The following NFIA variants were observed in gnomAD, a reference collection of about 807,000 sequenced individuals.
NFIA encodes nuclear factor 1 A-type.
In NFIA, 8 loss-of-function variants were observed where a neutral mutation model predicts 62.8. That is an observed-to-expected ratio of 0.13 (90% confidence interval 0.07 to 0.23). NFIA has a LOEUF of 0.23. NFIA is among the 10% of genes least tolerant of loss of function. NFIA has a pLI of 1.00. For synonymous variants in NFIA, 235 were observed against 238.1 expected, an observed-to-expected ratio of 0.99 and a Z score of 0.12; for missense variants, 410 against 642.1, an observed-to-expected ratio of 0.64 and a Z score of 3.91.
chr1:61,158,004 G>A (rs962208441), intron 2 of NFIA, among the ~76,000 whole-genome samples: 3 of 152,142 alleles, frequency 2.0e-5, no homozygotes, highest in Non-Finnish European at 4.4e-5. Flanking sequence ...AGGTTTCAGA[G>A]GGATAAACCA....
chr1:61,199,812 C>T (rs111254831), intron 2 of NFIA, among the ~76,000 whole-genome samples: 3 of 150,960 alleles, frequency 2.0e-5, no homozygotes, highest in African/African-American at 7.3e-5. Context: ...CTGGGCAACA[C>T]GGTGAAATCC....
At chr1:61,311,316 G>A (rs570031757) in intron 3 of NFIA, among the ~76,000 whole-genome samples, 2 of 152,088 alleles carry the variant, frequency 1.3e-5, no homozygotes, top group African/African-American at 2.4e-5. Context: ...GCTTGAACCC[G>A]GGAGGTGGAG....
chr1:61,245,227 T>C (rs1361004907), intron 2 of NFIA, among the ~76,000 whole-genome samples: 1 of 152,184 alleles, frequency 6.6e-6, no homozygotes, highest in African/African-American at 2.4e-5. Context: ...TCTTGTAGAT[T>C]ATGTATGCAG....
intron 10 of NFIA, among the ~76,000 whole-genome samples, chr1:61,429,389 T>G (rs980841418): frequency 6.6e-6 from 1 of 152,178 alleles, no homozygotes; most frequent in Non-Finnish European, 1.5e-5. Context: ...TTGCACCCAG[T>G]TCTGTCTGAC....
At chr1:61,399,656 T>TTCTTCTTCTA (rs890147259) in intron 7 of NFIA, among the ~76,000 whole-genome samples, 3 of 152,204 alleles carry the variant, frequency 2.0e-5, no homozygotes, top group Admixed American at 1.3e-4. Flanking sequence ...AGAGATTACT[T>TTCTTCTTCTA]TCTTCTTCTA....
rs1246015340 is a variant in NFIA, at chr1:61,200,060, ATATATATG to A, written c.560-77456_560-77449del. ...TATATATATATATATATATATATAT[ATATATATG>A]TATGTATGTTGAGCTAGAATTATGC... On this transcript the variant is annotated intron_variant, in intron 2 of 10. Coordinates refer to ENST00000403491, the MANE Select transcript of NFIA (RefSeq NM_001134673.4). Among the ~76,000 whole-genome samples, 77 of 46,720 alleles carry A rather than the reference ATATATATG, an allele frequency of 1.6e-3. 1 individual carries two copies. The highest frequency in any genetic ancestry group is 0.012 in the East Asian group (8 of 642). The allele number at this position is 46,720 out of a possible 152,430, so 30.7% of individuals were successfully genotyped here.
upstream of NFIA, chr1:61,082,273 C>T (rs961165264): frequency 2.6e-6 from 1 of 378,348 alleles, no homozygotes; most frequent in Non-Finnish European, 4.4e-6. Context: ...ACGGAGAGAG[C>T]CGGGGAGCGA....
rs1160264383 is a variant in NFIA, at chr1:61,136,003, T to C, written c.559+47323T>C. 2.0e-5 allele frequency among the ~76,000 whole-genome samples: 3 copies of C among 152,232 alleles called. No individual in the cohort carries two copies. The East Asian group carries it at 5.8e-4, about 29-fold the overall frequency. On this transcript the variant is annotated intron_variant, in intron 2 of 10. Coordinates refer to ENST00000403491, the MANE Select transcript of NFIA (RefSeq NM_001134673.4). Reference sequence around the variant, plus strand: ...ACGCTCGCATACATGTAGCTTAAAATATATGTTGCTTATTGAAAGCATTGT... The same window carrying C: ...ACGCTCGCATACATGTAGCTTAAAACATATGTTGCTTATTGAAAGCATTGT...
chr1:61,134,863 A>G (rs772360816), intron 2 of NFIA, among the ~76,000 whole-genome samples: 16 of 152,190 alleles, frequency 1.1e-4, no homozygotes, highest in Admixed American at 2.0e-4. Context: ...AAACAAGTGT[A>G]TATATGCATA....
intron 2 of NFIA, among the ~76,000 whole-genome samples, chr1:61,219,228 T>C (rs1653848244): frequency 6.8e-6 from 1 of 146,024 alleles, no homozygotes; most frequent in Non-Finnish European, 1.5e-5. Context: ...CGAAACTCAG[T>C]CTCAAAAAAA....
intron 9 of NFIA, among the ~76,000 whole-genome samples, chr1:61,420,559 TTAAGTC>T (rs1366720134): frequency 6.6e-6 from 1 of 152,206 alleles, no homozygotes; most frequent in African/African-American, 2.4e-5. Flanking sequence ...AGGGTTCTGT[TTAAGTC>T]TATATTCCTG....
chr1:61,271,540 AG>A (rs1428641482), intron 2 of NFIA, among the ~76,000 whole-genome samples: 2 of 152,182 alleles, frequency 1.3e-5, no homozygotes, highest in African/African-American at 4.8e-5. Context: ...GGAGTGACTA[AG>A]GGGTGGATCT....
Position 61,088,087 on chromosome 1 carries a change from AG to A in NFIA, c.28-61del, listed in dbSNP as rs536702413. On this transcript the variant is annotated intron_variant, in intron 1 of 10. Transcript: ENST00000403491. The surrounding 1 kb of genome is among the most constrained non-coding windows in gnomAD (Gnocchi z 4.5). ...TTTCTTTCTTAAGGTGACCCGCTGAAGAAAAGTTGTTTTCTTTTGTTTTCAT... is the reference window on the plus strand; with the variant it reads ...TTTCTTTCTTAAGGTGACCCGCTGAAAAAAGTTGTTTTCTTTTGTTTTCAT... 1.9e-5 allele frequency: 28 copies of A among 1,495,208 alleles called. No individual in the cohort carries two copies. In the African/African-American group the frequency reaches 3.8e-4, roughly 20 times the overall value. 92.6% of individuals were successfully genotyped at this position (1,495,208 alleles called of 1,614,324 possible). A position where few individuals can be genotyped will look rare whatever the true frequency, so the allele number is the denominator to read the frequency against.
intron 2 of NFIA, among the ~76,000 whole-genome samples, chr1:61,245,200 A>G (rs1017621496): frequency 6.6e-6 from 1 of 152,178 alleles, no homozygotes; most frequent in South Asian, 2.1e-4. Context: ...ACTAAAAGCT[A>G]TGACACCATC....
chr1:61,277,649 A>C (rs765492664), intron 3 of NFIA, 64 bp downstream of exon 3: 19 of 1,561,566 alleles, frequency 1.2e-5, no homozygotes, highest in Admixed American at 1.7e-5. Flanking sequence ...AGGCCGACTA[A>C]GTGTGAGGAT....
At chr1:61,154,894 C>A (rs1648684086) in intron 2 of NFIA, among the ~76,000 whole-genome samples, 1 of 152,168 alleles carries the variant, frequency 6.6e-6, no homozygotes, top group Non-Finnish European at 1.5e-5. Context: ...AAGATAGCAG[C>A]CTGGTTTAAC....
At chr1:61,332,669 A>G in intron 4 of NFIA, 83 bp downstream of exon 4, 2 of 1,143,808 alleles carry the variant, frequency 1.7e-6, no homozygotes, top group Non-Finnish European at 2.5e-6. Flanking sequence ...GAGACCAAAA[A>G]AAGCTTTCAG....
At chr1:61,083,816 G>T (rs1366693888) in intron 1 of NFIA, among the ~76,000 whole-genome samples, 5 of 151,798 alleles carry the variant, frequency 3.3e-5, no homozygotes, top group African/African-American at 7.2e-5. Flanking sequence ...CGCTCCGCGC[G>T]CAGGACGGGG....
chr1:61,157,486 C>T (rs1158879588), intron 2 of NFIA, among the ~76,000 whole-genome samples: 1 of 152,138 alleles, frequency 6.6e-6, no homozygotes, highest in Non-Finnish European at 1.5e-5. Context: ...TTTATTAAAG[C>T]TTGTCTGAGT....
Sources: gnomAD v4.1 joint callset for allele counts (sites outside exome capture counted in the v4.1 genomes callset) on GRCh38, gnomAD v4.1.1 for gene constraint, Gnocchi (gnomAD v3.1) non-coding constraint, MANE v1.5 for transcripts, NCBI Gene and HGNC (gene_info 2026-07-23, HGNC 2026-07-21) for gene names.